The following ADAMTS6 variants were observed in gnomAD, a reference collection of about 807,000 sequenced individuals.
The protein encoded by ADAMTS6 is ADAM metallopeptidase with thrombospondin type 1 motif 6.
In ADAMTS6, 23 loss-of-function variants were observed where a neutral mutation model predicts 144.3. The observed-to-expected ratio is 0.16, with a 90% CI of 0.11 to 0.23. The LOEUF (loss-of-function observed/expected upper bound fraction) is 0.23. Ranked by LOEUF, ADAMTS6 falls within the 10% of genes least tolerant of loss-of-function variation. The pLI is 1.00. For missense variants in ADAMTS6, 999 were observed against 1,379.6 expected (o/e 0.72, Z 4.37); for synonymous variants, 444 against 457.5 (o/e 0.97, Z 0.38).
At chr5:65,470,660 C>T (rs2150283321) in intron 3 of ADAMTS6, 118 bp downstream of exon 3, 4 of 780,890 alleles carry the variant, frequency 5.1e-6, no homozygotes, top group Admixed American at 8.7e-5. Context: ...TAAACTATTA[C>T]CTTCCTACTT....
At chr5:65,457,499 A>T (rs1759303680) in intron 4 of ADAMTS6, among the ~76,000 whole-genome samples, 2 of 152,182 alleles carry the variant, frequency 1.3e-5, no homozygotes, top group Admixed American at 1.3e-4. Flanking sequence ...TAATGCGTAA[A>T]CCATTAAAAA....
intron 14 of ADAMTS6, among the ~76,000 whole-genome samples, chr5:65,244,576 G>C (rs1043305612): frequency 3.9e-5 from 6 of 152,014 alleles, no homozygotes; most frequent in African/African-American, 1.4e-4. Context: ...AATAACAATA[G>C]CGAGCTAGTA....
At chr5:65,413,330 GC>G (rs1189633939) in intron 7 of ADAMTS6, among the ~76,000 whole-genome samples, 1 of 152,090 alleles carries the variant, frequency 6.6e-6, no homozygotes, top group Non-Finnish European at 1.5e-5. Context: ...CTTAACATAA[GC>G]TGTCAATCAC....
intron 10 of ADAMTS6, among the ~76,000 whole-genome samples, chr5:65,293,575 C>A (rs1298541515): frequency 6.6e-6 from 1 of 151,942 alleles, no homozygotes; most frequent in Non-Finnish European, 1.5e-5. Context: ...AAATTCTTTT[C>A]TGATGGCAAA....
chr5:65,206,845 CACACACACACACACACACACACAAAT>C (rs955533014), intron 20 of ADAMTS6, among the ~76,000 whole-genome samples: 2 of 102,834 alleles, frequency 1.9e-5, no homozygotes, highest in Admixed American at 1.9e-4. Context: ...CTCTCACACA[CACACACACACACACACACACACAAAT>C]ACACACACAC....
intron 11 of ADAMTS6, among the ~76,000 whole-genome samples, chr5:65,282,744 T>C (rs1193521939): frequency 1.3e-5 from 2 of 152,002 alleles, no homozygotes; most frequent in African/African-American, 4.8e-5. Flanking sequence ...TTAATGATAA[T>C]GTTGGTCAGC....
At chr5:65,364,032 G>A (rs561300976) in intron 7 of ADAMTS6, among the ~76,000 whole-genome samples, 96 of 152,072 alleles carry the variant, frequency 6.3e-4, no homozygotes, top group African/African-American at 2.1e-3. Context: ...TAGAAAAACT[G>A]AAGCACAAAA....
intron 18 of ADAMTS6, among the ~76,000 whole-genome samples, chr5:65,222,431 T>C (rs541996684): frequency 3.3e-5 from 5 of 152,306 alleles, no homozygotes; most frequent in Middle Eastern, 3.4e-3. Flanking sequence ...CATCAACCCT[T>C]ACTTTATACC....
At chr5:65,176,691 A>T (rs1393498457) in intron 22 of ADAMTS6, among the ~76,000 whole-genome samples, 3 of 152,252 alleles carry the variant, frequency 2.0e-5, no homozygotes, top group Non-Finnish European at 4.4e-5. Flanking sequence ...GTCTGACATT[A>T]AAAATTGAAT....
At chr5:65,454,921 CTG>C (rs968609499) in intron 4 of ADAMTS6, among the ~76,000 whole-genome samples, 6 of 152,186 alleles carry the variant, frequency 3.9e-5, no homozygotes, top group South Asian at 2.1e-4. Flanking sequence ...CCAACAGAAA[CTG>C]TGAAATACTA....
intron 7 of ADAMTS6, among the ~76,000 whole-genome samples, chr5:65,402,339 G>A (rs1388770422): frequency 6.6e-6 from 1 of 152,056 alleles, no homozygotes; most frequent in Non-Finnish European, 1.5e-5. Context: ...CCAGATGAAT[G>A]TGACTGAAGA....
chr5:65,160,421 C>T (rs568269914), intron 24 of ADAMTS6, among the ~76,000 whole-genome samples: 99 of 151,974 alleles, frequency 6.5e-4, no homozygotes, highest in Non-Finnish European at 3.7e-4. Context: ...ATTCTCCAGC[C>T]TCAGCCTCCC....
intron 24 of ADAMTS6, among the ~76,000 whole-genome samples, chr5:65,157,575 G>A (rs1409972763): frequency 6.6e-6 from 1 of 152,168 alleles, no homozygotes; most frequent in African/African-American, 2.4e-5. Context: ...TCCTTATGTG[G>A]TTCAGAAGAA....
intron 22 of ADAMTS6, among the ~76,000 whole-genome samples, chr5:65,175,313 A>G (rs1753902849): frequency 6.6e-6 from 1 of 152,014 alleles, no homozygotes; most frequent in Non-Finnish European, 1.5e-5. Flanking sequence ...AAAGAGACAG[A>G]GGCAAAAGCA....
chr5:65,238,643 T>C (rs1758893732), intron 15 of ADAMTS6, among the ~76,000 whole-genome samples: 1 of 151,086 alleles, frequency 6.6e-6, no homozygotes. Flanking sequence ...GGTCACAGAA[T>C]ACAAAGTTAA....
chr5:65,446,840 G>A (rs1292083685), intron 7 of ADAMTS6, among the ~76,000 whole-genome samples: 1 of 152,132 alleles, frequency 6.6e-6, no homozygotes, highest in Admixed American at 6.5e-5. Context: ...AATGGAGGAT[G>A]ACTTCCTTTG....
intron 22 of ADAMTS6, among the ~76,000 whole-genome samples, chr5:65,176,127 G>GC (rs145187532): frequency 2.4e-5 from 2 of 82,732 alleles, no homozygotes; most frequent in African/African-American, 5.1e-5. Context: ...GGGAAAAAAA[G>GC]GGGGGGGCAG....
intron 12 of ADAMTS6, among the ~76,000 whole-genome samples, chr5:65,266,805 T>C (rs891791008): frequency 7.9e-5 from 12 of 152,010 alleles, no homozygotes; most frequent in African/African-American, 2.9e-4. Flanking sequence ...TCCTCCTTTG[T>C]TATTTATAAA....
intron 7 of ADAMTS6, among the ~76,000 whole-genome samples, chr5:65,411,745 TTTATA>T (rs1755073473): frequency 6.6e-6 from 1 of 152,162 alleles, no homozygotes; most frequent in African/African-American, 2.4e-5. Flanking sequence ...ACTGAAAACA[TTTATA>T]TTAAATAATA....
Sources: allele counts gnomAD v4.1 joint callset (sites outside exome capture counted in the v4.1 genomes callset), GRCh38; gene constraint gnomAD v4.1.1; transcripts MANE v1.5; gene names NCBI Gene and HGNC (gene_info 2026-07-23, HGNC 2026-07-21).